Variants in RAB2A observed in about 807,000 individuals in gnomAD.
RAB2A encodes ras-related protein Rab-2A.
Under a neutral mutation model 32.5 loss-of-function variants are expected in RAB2A, and 7 were observed. The ratio of observed to expected loss-of-function variants is 0.22; its 90% CI spans 0.12 to 0.40. The LOEUF (loss-of-function observed/expected upper bound fraction) is 0.40. RAB2A is among the 10% of genes least tolerant of loss of function. The probability of loss-of-function intolerance (pLI) is 1.00; values close to 1 mark genes in which losing one functional copy is unlikely to be tolerated. For missense variants in RAB2A, 108 were observed against 260.7 expected, an observed-to-expected ratio of 0.41 and a Z score of 4.03; for synonymous variants, 79 against 85.2, an observed-to-expected ratio of 0.93 and a Z score of 0.40.
chr8:60,520,411 G>C (rs559412705), intron 1 of RAB2A, among the ~76,000 whole-genome samples: 16 of 152,276 alleles, frequency 1.1e-4, no homozygotes, highest in African/African-American at 3.6e-4. Context: ...AGCATGGAGA[G>C]AAAAAATACG....
intron 1 of RAB2A, among the ~76,000 whole-genome samples, chr8:60,534,013 TG>T (rs1807520304): frequency 6.6e-6 from 1 of 152,070 alleles, no homozygotes; most frequent in Non-Finnish European, 1.5e-5. Flanking sequence ...AAGATACTAT[TG>T]TGGGCAGTCC....
chr8:60,594,653 C>A (rs1803994548), intron 6 of RAB2A, among the ~76,000 whole-genome samples: 1 of 152,150 alleles, frequency 6.6e-6, no homozygotes, highest in South Asian at 2.1e-4. Context: ...CCCCAACAGG[C>A]CCCGGTGTGT....
intron 7 of RAB2A, chr8:60,619,135 A>C (rs1484853533): frequency 1.4e-5 from 2 of 147,804 alleles, no homozygotes; most frequent in African/African-American, 5.4e-5. Flanking sequence ...AGGAGACTAA[A>C]TTCATATATA....
At chr8:60,558,539 A>G (rs1018348628) in intron 1 of RAB2A, 2 of 497,450 alleles carry the variant, frequency 4.0e-6, no homozygotes, top group African/African-American at 3.9e-5. Flanking sequence ...AAAAGTGCAC[A>G]AAAACAGTAC....
At chr8:60,580,294 C>A (rs1462857198) in intron 3 of RAB2A, among the ~76,000 whole-genome samples, 2 of 152,128 alleles carry the variant, frequency 1.3e-5, no homozygotes, top group Non-Finnish European at 2.9e-5. Flanking sequence ...TGCGACCAGC[C>A]TAAAGTGCTT....
intron 1 of RAB2A, among the ~76,000 whole-genome samples, chr8:60,550,165 C>T (rs1807823706): frequency 6.6e-6 from 1 of 152,218 alleles, no homozygotes; most frequent in Non-Finnish European, 1.5e-5. Flanking sequence ...TCTCAATCTG[C>T]TCTACCTACA....
At chr8:60,590,069 C>G (rs930350288) in intron 5 of RAB2A, among the ~76,000 whole-genome samples, 1 of 152,028 alleles carries the variant, frequency 6.6e-6, no homozygotes, top group Non-Finnish European at 1.5e-5. Flanking sequence ...TCAAGCAATT[C>G]TCCCGCCTCA....
intron 6 of RAB2A, among the ~76,000 whole-genome samples, chr8:60,594,366 T>C (rs1021621419): frequency 6.6e-6 from 1 of 151,776 alleles, no homozygotes; most frequent in African/African-American, 2.4e-5. Context: ...GAAAAAAAAA[T>C]CTTGAAAGCA....
Position 60,527,145 on chromosome 8 carries a change from G to T in RAB2A, c.46+9892G>T, listed in dbSNP as rs149471753. 2.0e-5 allele frequency among the ~76,000 whole-genome samples: 3 copies of T among 152,080 alleles called. No homozygotes were observed. The East Asian group carries it at 5.8e-4, about 30-fold the overall frequency. ...AGCACATCTAGCCATGTCAGACCAG[G>T]AAAGAGAGAGTGAAGGGGGAAGTGC... On this transcript the variant is annotated intron_variant, in intron 1 of 7. Transcript: ENST00000262646.
intron 2 of RAB2A, among the ~76,000 whole-genome samples, chr8:60,562,607 A>G (rs1002120025): frequency 6.6e-6 from 1 of 152,196 alleles, no homozygotes; most frequent in African/African-American, 2.4e-5. Context: ...CAGAGTCTCA[A>G]TATTTAAGAT....
At chr8:60,564,706 C>G (rs1021843226) in intron 2 of RAB2A, among the ~76,000 whole-genome samples, 4 of 151,996 alleles carry the variant, frequency 2.6e-5, no homozygotes, top group Non-Finnish European at 5.9e-5. Flanking sequence ...GCATTCATAC[C>G]CATCCTCCCA....
intron 6 of RAB2A, among the ~76,000 whole-genome samples, chr8:60,616,301 C>T (rs941878217): frequency 1.3e-5 from 2 of 152,162 alleles, no homozygotes; most frequent in African/African-American, 4.8e-5. Flanking sequence ...CAAATTGACA[C>T]ATTTAATAAT....
chr8:60,552,599 A>G (rs1040141555), intron 1 of RAB2A: 2 of 152,248 alleles, frequency 1.3e-5, no homozygotes. Flanking sequence ...TTAAAGCTCT[A>G]AATAATAAAT....
chr8:60,609,369 T>C (rs548384428), intron 6 of RAB2A, among the ~76,000 whole-genome samples: 1 of 152,304 alleles, frequency 6.6e-6, no homozygotes, highest in South Asian at 2.1e-4. Flanking sequence ...GACTTCTTCT[T>C]CTCCTTATTC....
At chr8:60,575,189 C>T (rs1015982219) in intron 3 of RAB2A, among the ~76,000 whole-genome samples, 3 of 150,400 alleles carry the variant, frequency 2.0e-5, no homozygotes, top group East Asian at 2.0e-4. Flanking sequence ...GCCTCAAACG[C>T]CTGGCCTCAA....
chr8:60,593,924 T>TAA (rs60039535), intron 6 of RAB2A, among the ~76,000 whole-genome samples: 1,918 of 150,096 alleles, frequency 0.013, 38 homozygotes, highest in African/African-American at 0.043. Context: ...AATTTTAAAA[T>TAA]AAAAAAAAAT....
chr8:60,557,173 CAT>C (rs1807951607), intron 1 of RAB2A, among the ~76,000 whole-genome samples: 1 of 152,152 alleles, frequency 6.6e-6, no homozygotes, highest in Non-Finnish European at 1.5e-5. Context: ...TGTAAGATCA[CAT>C]GTTTTGAAAT....
chr8:60,555,702 AAG>A (rs2130828682), intron 1 of RAB2A, among the ~76,000 whole-genome samples: 1 of 152,340 alleles, frequency 6.6e-6, no homozygotes, highest in African/African-American at 2.4e-5. Flanking sequence ...AAAGACAAAA[AAG>A]AACATGCTGG....
Position 60,529,858 on chromosome 8 carries a change from G to C in RAB2A, c.46+12605G>C, listed in dbSNP as rs1225202256. 3.9e-5 allele frequency among the ~76,000 whole-genome samples: 6 copies of C among 152,296 alleles called. No homozygotes were observed. The South Asian group carries it at 1.2e-3, about 32-fold the overall frequency. Reference sequence around the variant, plus strand: ...GCCTGCCTCCTTGAGCTGGGTGCTAGAGTTTTAGAAATAAATCTTGCAGCG... The same window carrying C: ...GCCTGCCTCCTTGAGCTGGGTGCTACAGTTTTAGAAATAAATCTTGCAGCG... On this transcript the variant is annotated intron_variant, in intron 1 of 7. Coordinates refer to ENST00000262646, the MANE Select transcript of RAB2A (RefSeq NM_002865.3).
Sources: allele counts gnomAD v4.1 joint callset (sites outside exome capture counted in the v4.1 genomes callset), GRCh38; gene constraint gnomAD v4.1.1; transcripts MANE v1.5; gene names NCBI Gene and HGNC (gene_info 2026-07-23, HGNC 2026-07-21).